Variants in PTPRK observed in about 807,000 individuals in gnomAD.
PTPRK encodes the protein receptor-type tyrosine-protein phosphatase kappa.
A neutral mutation model predicts 178.0 loss-of-function variants in PTPRK; 75 were observed. That is an observed-to-expected ratio of 0.42 (90% confidence interval 0.35 to 0.51). PTPRK has a LOEUF of 0.51. Among genes scored for constraint, PTPRK ranks in the 20% least tolerant of loss-of-function variants. PTPRK has a pLI of 0.02. For missense variants in PTPRK, 1,441 were observed against 1,797.8 expected (o/e 0.80, Z 3.59); for synonymous variants, 637 against 620.6 (o/e 1.03, Z -0.39).
intron 2 of PTPRK, among the ~76,000 whole-genome samples, chr6:128,352,860 T>C (rs1420137352): frequency 6.6e-6 from 1 of 152,200 alleles, no homozygotes; most frequent in Non-Finnish European, 1.5e-5. Context: ...TGCAAATAAA[T>C]CTTTGTAATA....
chr6:128,087,912 T>C (rs913287271), intron 8 of PTPRK, among the ~76,000 whole-genome samples: 4 of 152,010 alleles, frequency 2.6e-5, no homozygotes, highest in African/African-American at 9.7e-5. Context: ...ACTTTCAGAG[T>C]GGGAGAGTTT....
chr6:128,176,949 C>T (rs1366696514), intron 7 of PTPRK, among the ~76,000 whole-genome samples: 1 of 151,414 alleles, frequency 6.6e-6, no homozygotes, highest in Admixed American at 6.6e-5. Context: ...TCTGTCAGAA[C>T]CTGATTTAGA....
chr6:128,009,025 TC>T, intron 14 of PTPRK, 104 bp downstream of exon 14: 1 of 1,044,994 alleles, frequency 9.6e-7, no homozygotes, highest in Non-Finnish European at 1.3e-6. Flanking sequence ...ATTAAAATTT[TC>T]TTCCTGTTGT....
intron 2 of PTPRK, among the ~76,000 whole-genome samples, chr6:128,352,750 T>C (rs1342328280): frequency 6.6e-6 from 1 of 152,176 alleles, no homozygotes; most frequent in African/African-American, 2.4e-5. Flanking sequence ...CACAGCAGTA[T>C]CCCCTAACAA....
At chr6:128,005,486 A>G (rs1778309704) in intron 14 of PTPRK, among the ~76,000 whole-genome samples, 1 of 151,396 alleles carries the variant, frequency 6.6e-6, no homozygotes, top group African/African-American at 2.4e-5. Flanking sequence ...CAAATCTCTC[A>G]TCATTTCCTG....
rs1461345115 is a variant in PTPRK, at chr6:127,983,251, G to T, written c.3378C>A (p.Val1126=). Residue 1126 remains valine (V), a synonymous_variant, in exon 23 of 30, where the codon GTC becomes GTA. Coordinates refer to ENST00000368226, the MANE Select transcript of PTPRK (RefSeq NM_002844.4). The part of the protein sequence containing the change: ...KALRSRRINM[V]QTEEQYIFIH... The stretch of plus-strand genomic sequence containing the variant: ...AGGTAAATCTACATACCTCTGTCTG[G>T]ACCATATTAATACGCCGAGATCTTA... The T allele has an allele frequency of 6.2e-7, 1 of 1,610,382 alleles. No individual in the cohort carries two copies. The highest frequency in any genetic ancestry group is 8.5e-7 in the Non-Finnish European group (1 of 1,178,140).
At chr6:127,975,697 C>T (rs534541536) in intron 27 of PTPRK, among the ~76,000 whole-genome samples, 10 of 152,004 alleles carry the variant, frequency 6.6e-5, no homozygotes, top group East Asian at 5.8e-4. Flanking sequence ...TTTTGGGGGA[C>T]GAAGTCTCGC....
intron 3 of PTPRK, among the ~76,000 whole-genome samples, chr6:128,245,205 T>G (rs1815233346): frequency 6.6e-6 from 1 of 152,168 alleles, no homozygotes; most frequent in Admixed American, 6.6e-5. Flanking sequence ...AAGCCGGGAA[T>G]GGCCTGAGTC....
At chr6:128,262,857 C>CAAA (rs747334195) in intron 3 of PTPRK, among the ~76,000 whole-genome samples, 224 of 75,076 alleles carry the variant, frequency 3.0e-3, no homozygotes, top group African/African-American at 0.011. Context: ...AACCAATAAC[C>CAAA]AAAAAAAAAA....
chr6:128,501,391 TCACACA>T (rs67621491), intron 1 of PTPRK, among the ~76,000 whole-genome samples: 8 of 145,668 alleles, frequency 5.5e-5, no homozygotes, highest in East Asian at 4.1e-4. Flanking sequence ...TAAACTCAAA[TCACACA>T]CACACACACA....
intron 2 of PTPRK, among the ~76,000 whole-genome samples, chr6:128,356,772 T>C (rs960007338): frequency 1.3e-5 from 2 of 152,228 alleles, no homozygotes; most frequent in Non-Finnish European, 2.9e-5. Context: ...TTCAGATCAC[T>C]TTCCAAATTA....
intron 13 of PTPRK, among the ~76,000 whole-genome samples, chr6:128,049,294 C>T (rs538621994): frequency 1.3e-5 from 2 of 152,122 alleles, no homozygotes; most frequent in African/African-American, 2.4e-5. Context: ...AAATTAGATA[C>T]AACCAAAGTA....
At position 128,101,302 on chromosome 6, in the gene PTPRK, A is replaced by T. The variant is rs537868536; in HGVS notation, c.1163-11310T>A. Among the ~76,000 whole-genome samples, 116 of 152,120 alleles carry T rather than the reference A, an allele frequency of 7.6e-4. 1 individual carries two copies. The highest frequency in any genetic ancestry group is 2.5e-3 in the African/African-American group (105 of 41,524). ...AAACTGCCTGTGGATTTCCATCTGG[A>T]TGCTAATATAATGTTTAAAACAAGA... On this transcript the variant is annotated intron_variant, in intron 7 of 29. Transcript: ENST00000368226.
chr6:128,371,210 C>T (rs1012804045), intron 2 of PTPRK, among the ~76,000 whole-genome samples: 4 of 152,154 alleles, frequency 2.6e-5, no homozygotes, highest in Admixed American at 1.3e-4. Flanking sequence ...ATTATACTGT[C>T]GATTCATTTT....
chr6:128,241,979 T>G (rs1334396717), intron 4 of PTPRK, among the ~76,000 whole-genome samples: 6 of 145,466 alleles, frequency 4.1e-5, no homozygotes, highest in African/African-American at 1.6e-4. Context: ...TAAGTAGAGA[T>G]AGGGTTTCAC....
intron 1 of PTPRK, among the ~76,000 whole-genome samples, chr6:128,460,060 A>G (rs1848852490): frequency 6.6e-6 from 1 of 152,164 alleles, no homozygotes; most frequent in African/African-American, 2.4e-5. Flanking sequence ...GTGCTAAACC[A>G]TTCATGAGAA....
intron 13 of PTPRK, among the ~76,000 whole-genome samples, chr6:128,036,035 G>C (rs923109186): frequency 2.0e-5 from 3 of 152,062 alleles, no homozygotes; most frequent in Non-Finnish European, 4.4e-5. Flanking sequence ...TTGAAATTAC[G>C]TATGTTGGTA....
Position 128,462,628 on chromosome 6 carries a change from TA to T in PTPRK, c.100+57630del, listed in dbSNP as rs1208130106. 2.4e-3 allele frequency among the ~76,000 whole-genome samples: 169 copies of T among 71,672 alleles called. 1 individual carries two copies. The highest frequency in any genetic ancestry group is 0.012 in the African/African-American group (167 of 13,978). The allele number at this position is 71,672 out of a possible 152,430, so 47.0% of individuals were successfully genotyped here. A position where few individuals can be genotyped will look rare whatever the true frequency, so the allele number is the denominator to read the frequency against. Reference sequence around the variant, plus strand: ...ATCTGGGAAAAAAGTAGGTATATTTTATTTATTTATTTATTTATTTATTTAT... The same window carrying T: ...ATCTGGGAAAAAAGTAGGTATATTTTTTTATTTATTTATTTATTTATTTAT... On this transcript the variant is annotated intron_variant, in intron 1 of 29. Transcript: ENST00000368226.
At chr6:128,074,582 C>G (rs1006565358) in intron 11 of PTPRK, among the ~76,000 whole-genome samples, 1 of 151,998 alleles carries the variant, frequency 6.6e-6, no homozygotes, top group Non-Finnish European at 1.5e-5. Context: ...CAAGTGATGA[C>G]AGTTGTAAGG....
Sources: gnomAD v4.1 joint callset for allele counts (sites outside exome capture counted in the v4.1 genomes callset) on GRCh38, gnomAD v4.1.1 for gene constraint, MANE v1.5 for transcripts, NCBI Gene and HGNC (gene_info 2026-07-23, HGNC 2026-07-21) for gene names.